The following MYO16 variants were observed in gnomAD, a reference collection of about 807,000 sequenced individuals.
MYO16 encodes myosin XVI, also known as unconventional myosin-XVI.
Under a neutral mutation model 205.3 loss-of-function variants are expected in MYO16, and 94 were observed. The observed-to-expected ratio is 0.46, with a 90% CI of 0.39 to 0.54. MYO16 has a LOEUF of 0.54. MYO16 is among the 20% of genes least tolerant of loss of function. MYO16 has a pLI of 0.00. For synonymous variants in MYO16, 988 were observed against 954.0 expected (o/e 1.04, Z -0.66); for missense variants, 2,315 against 2,387.5 (o/e 0.97, Z 0.63).
chr13:108,796,727 T>C (rs1886799912), intron 6 of MYO16, among the ~76,000 whole-genome samples: 1 of 130,590 alleles, frequency 7.7e-6, no homozygotes. Flanking sequence ...TGAGAACACA[T>C]GGACACAGGA....
chr13:108,644,390 ATCTATCTATCT>A (rs1300389030), intron 1 of MYO16, among the ~76,000 whole-genome samples: 1 of 150,384 alleles, frequency 6.6e-6, no homozygotes, highest in Non-Finnish European at 1.5e-5. Flanking sequence ...CTATCTATCT[ATCTATCTATCT>A]ATCTATCTAT....
chr13:108,795,580 T>A (rs1286982224), intron 6 of MYO16, among the ~76,000 whole-genome samples: 2 of 152,200 alleles, frequency 1.3e-5, no homozygotes, highest in African/African-American at 4.8e-5. Context: ...ATTTGTAAAC[T>A]TTAGAAGACT....
At chr13:109,063,731 G>A (rs1355435270) in intron 27 of MYO16, among the ~76,000 whole-genome samples, 5 of 152,136 alleles carry the variant, frequency 3.3e-5, no homozygotes, top group Non-Finnish European at 5.9e-5. Flanking sequence ...AGGCAGCAAA[G>A]TTATATATAT....
chr13:108,822,998 T>C, intron 8 of MYO16, 127 bp from the exon 9 acceptor site: 1 of 883,594 alleles, frequency 1.1e-6, no homozygotes, highest in East Asian at 2.5e-5. Flanking sequence ...TTTTAAGGTT[T>C]TTTGTTTTGA....
chr13:109,046,792 G>A, intron 23 of MYO16, 124 bp from the exon 24 acceptor site: 1 of 743,458 alleles, frequency 1.3e-6, no homozygotes, highest in Non-Finnish European at 2.3e-6. Context: ...TGAACTGTAA[G>A]ACCTGAAGAC....
At chr13:108,655,239 G>A (rs554969020) in intron 1 of MYO16, among the ~76,000 whole-genome samples, 1 of 152,294 alleles carries the variant, frequency 6.6e-6, no homozygotes, top group South Asian at 2.1e-4. Context: ...TATGTTGTGT[G>A]CAGCCTAGGG....
chr13:108,633,157 G>T (rs1880065851), intron 1 of MYO16, among the ~76,000 whole-genome samples: 1 of 152,150 alleles, frequency 6.6e-6, no homozygotes, highest in Non-Finnish European at 1.5e-5. Context: ...AATTGTATCA[G>T]AAAATCTGTT....
intron 9 of MYO16, among the ~76,000 whole-genome samples, chr13:108,826,602 G>GA (rs143898237): frequency 0.013 from 1,956 of 151,422 alleles, 35 homozygotes; most frequent in African/African-American, 0.045. Flanking sequence ...ATAAGAAAGT[G>GA]AAAAAAAAGA....
At chr13:108,698,131 A>G (rs1223359089) in intron 2 of MYO16, among the ~76,000 whole-genome samples, 2 of 152,132 alleles carry the variant, frequency 1.3e-5, no homozygotes, top group African/African-American at 4.8e-5. Flanking sequence ...CAGCACCGAT[A>G]ATTAAGTAAC....
chr13:109,206,053 G>A (rs1486405832), intron 34 of MYO16, among the ~76,000 whole-genome samples: 1 of 152,152 alleles, frequency 6.6e-6, no homozygotes, highest in Non-Finnish European at 1.5e-5. Context: ...TTTTCTACAT[G>A]AGTGTGGTGT....
At chr13:109,190,518 G>T (rs1879866398) in intron 34 of MYO16, among the ~76,000 whole-genome samples, 1 of 152,130 alleles carries the variant, frequency 6.6e-6, no homozygotes, top group Admixed American at 6.5e-5. Flanking sequence ...ACAATAATTT[G>T]TCAGCTCAGT....
intron 28 of MYO16, among the ~76,000 whole-genome samples, chr13:109,117,194 A>G (rs1368181262): frequency 5.3e-5 from 8 of 151,520 alleles, no homozygotes; most frequent in Admixed American, 4.6e-4. Context: ...TCTCATTTTC[A>G]CCCTAGAAGC....
intron 15 of MYO16, 49 bp downstream of exon 15, chr13:108,898,182 C>A: frequency 1.4e-6 from 2 of 1,420,306 alleles, no homozygotes; most frequent in Non-Finnish European, 2.0e-6. Flanking sequence ...AGCCAGCATG[C>A]GACCACGTCA....
Position 109,141,785 on chromosome 13 carries a change from C to A in MYO16, c.5164+409C>A, listed in dbSNP as rs1452064183. 6.6e-6 allele frequency among the ~76,000 whole-genome samples: 1 copy of A among 152,184 alleles called. No individual in the cohort carries two copies. Among genetic ancestry groups the A allele is most frequent in the East Asian group, 1.9e-4 (1 of 5,192 alleles). On this transcript the variant is annotated intron_variant, in intron 32 of 34. Coordinates refer to ENST00000457511, the MANE Select transcript of MYO16 (RefSeq NM_001198950.3). The surrounding 1 kb of genome is among the most constrained non-coding windows in gnomAD (Gnocchi z 4.1). ...TTTCCGTTTGATGTACAGTTCACAG[C>A]TAATCCCCGAGCGTGCGGTTTGCCA...
chr13:108,819,902 T>C (rs1875871518), intron 7 of MYO16, among the ~76,000 whole-genome samples: 1 of 152,180 alleles, frequency 6.6e-6, no homozygotes, highest in Non-Finnish European at 1.5e-5. Flanking sequence ...TTTCGGGTTA[T>C]ATTATGGCAT....
At chr13:108,822,498 A>AG (rs1876033380) in intron 8 of MYO16, among the ~76,000 whole-genome samples, 1 of 152,168 alleles carries the variant, frequency 6.6e-6, no homozygotes, top group South Asian at 2.1e-4. Context: ...TTTCTATATC[A>AG]GTAATTGTTG....
intron 34 of MYO16, among the ~76,000 whole-genome samples, chr13:109,189,038 G>A (rs1879804197): frequency 1.3e-5 from 2 of 151,800 alleles, no homozygotes; most frequent in Admixed American, 6.6e-5. Context: ...AGGTTGCAGT[G>A]AGCAGAGACA....
At chr13:108,633,046 T>A (rs776633851) in intron 1 of MYO16, among the ~76,000 whole-genome samples, 5 of 152,160 alleles carry the variant, frequency 3.3e-5, no homozygotes, top group Admixed American at 6.5e-5. Context: ...TCTCTAAGCA[T>A]ACGGGTTTGG....
intron 11 of MYO16, among the ~76,000 whole-genome samples, chr13:108,860,600 T>C (rs1457169025): frequency 6.6e-6 from 1 of 152,196 alleles, no homozygotes; most frequent in Admixed American, 6.5e-5. Flanking sequence ...CTTTCCAGAA[T>C]GTTTGAACTA....
Sources: gnomAD v4.1 joint callset for allele counts (sites outside exome capture counted in the v4.1 genomes callset) on GRCh38, gnomAD v4.1.1 for gene constraint, Gnocchi (gnomAD v3.1) non-coding constraint, MANE v1.5 for transcripts, NCBI Gene and HGNC (gene_info 2026-07-23, HGNC 2026-07-21) for gene names.